ZFPM2: variants seen among roughly 807,000 people sequenced by gnomAD.
ZFPM2 encodes the protein zinc finger protein ZFPM2.
In ZFPM2, 20 loss-of-function variants were observed where a neutral mutation model predicts 98.6. That is an observed-to-expected ratio of 0.20 (90% CI 0.14 to 0.29). The LOEUF (loss-of-function observed/expected upper bound fraction) is 0.29. Among genes scored for constraint, ZFPM2 ranks in the 10% least tolerant of loss-of-function variants. The probability of loss-of-function intolerance (pLI) is 1.00; values close to 1 mark genes in which losing one functional copy is unlikely to be tolerated. For missense variants in ZFPM2, 1,310 were observed against 1,388.6 expected, an observed-to-expected ratio of 0.94 and a Z score of 0.90; for synonymous variants, 518 against 502.7, an observed-to-expected ratio of 1.03 and a Z score of -0.41.
intron 5 of ZFPM2, among the ~76,000 whole-genome samples, chr8:105,694,879 C>T (rs1226608728): frequency 2.0e-5 from 3 of 152,110 alleles, no homozygotes; most frequent in Admixed American, 1.3e-4. Context: ...ACATCTTTAT[C>T]AGTGGTATTC....
chr8:105,394,145 G>A (rs190030613), intron 1 of ZFPM2, among the ~76,000 whole-genome samples: 1 of 151,860 alleles, frequency 6.6e-6, no homozygotes, highest in African/African-American at 2.4e-5. Flanking sequence ...CGCCCGCCTC[G>A]GCCTCCCAAA....
chr8:105,541,260 G>C (rs921333), intron 3 of ZFPM2, among the ~76,000 whole-genome samples: 17,766 of 152,100 alleles, frequency 0.12, 1,147 homozygotes, highest in South Asian at 0.17. Context: ...CAAGAATCCT[G>C]TGTGAGAGGT....
intron 2 of ZFPM2, among the ~76,000 whole-genome samples, chr8:105,428,031 A>G (rs1038474782): frequency 2.6e-5 from 4 of 152,232 alleles, no homozygotes; most frequent in Non-Finnish European, 5.9e-5. Flanking sequence ...GGCCAAAGTC[A>G]ACAAAACTAC....
Position 105,802,763 on chromosome 8 carries a change from T to G in ZFPM2, c.2681T>G (p.Val894Gly), listed in dbSNP as rs1814074691. ...GACCTGGGTCAACTGGACGGCAAAGTGTTTCCGAATCCAGAAAGCGAACGA... is the reference window on the plus strand; with the variant it reads ...GACCTGGGTCAACTGGACGGCAAAGGGTTTCCGAATCCAGAAAGCGAACGA... ...RNDLGQLDGK[V>G]FPNPESERNS... Residue 894 changes from valine to glycine, a missense_variant, in exon 8 of 8, where the codon GTG becomes GGG. Val to Gly is a moderately radical substitution (Grantham distance 109). Coordinates refer to ENST00000407775, the MANE Select transcript of ZFPM2 (RefSeq NM_012082.4). 3.1e-6 allele frequency: 5 copies of G among 1,613,490 alleles called. No individual in the cohort carries two copies. The highest frequency in any genetic ancestry group is 3.3e-5 in the Admixed American group (2 of 59,930).
chr8:105,553,485 G>C (rs1379041677), intron 3 of ZFPM2, among the ~76,000 whole-genome samples: 1 of 152,114 alleles, frequency 6.6e-6, no homozygotes, highest in Non-Finnish European at 1.5e-5. Flanking sequence ...CCAGTGTGTT[G>C]TGTTAGAGTT....
At chr8:105,340,787 G>A (rs1812414628) in intron 1 of ZFPM2, among the ~76,000 whole-genome samples, 2 of 151,884 alleles carry the variant, frequency 1.3e-5, no homozygotes, top group Non-Finnish European at 2.9e-5. Flanking sequence ...CTAGAGGTTG[G>A]CAACAGGCAA....
At chr8:105,535,945 T>C (rs1397819048) in intron 3 of ZFPM2, among the ~76,000 whole-genome samples, 2 of 152,196 alleles carry the variant, frequency 1.3e-5, no homozygotes, top group African/African-American at 4.8e-5. Flanking sequence ...GTGTACACAG[T>C]TTTATGAATA....
chr8:105,546,972 C>CT (rs1302419285), intron 3 of ZFPM2, among the ~76,000 whole-genome samples: 1 of 152,038 alleles, frequency 6.6e-6, no homozygotes, highest in African/African-American at 2.4e-5. Context: ...CACAGTTTCC[C>CT]TTTTTTTGGG....
intron 3 of ZFPM2, among the ~76,000 whole-genome samples, chr8:105,483,141 A>G (rs2130393357): frequency 6.6e-6 from 1 of 151,962 alleles, no homozygotes; most frequent in East Asian, 1.9e-4. Flanking sequence ...GATTATAGGC[A>G]TGAGCCACGG....
rs147247558 is a variant in ZFPM2 at position 105,539,753 on chromosome 8, A to G, written c.302-21610A>G. Among the ~76,000 whole-genome samples, 14 of 152,318 alleles carry G rather than the reference A, an allele frequency of 9.2e-5. No homozygotes were observed. In the East Asian group the frequency reaches 2.5e-3, roughly 27 times the overall value. ...TGGGCCCTAAACAGAAAGTTGTTCA[A>G]TATCAGTACAGTCAGATCATGGAAG... On this transcript the variant is annotated intron_variant, in intron 3 of 7. Coordinates refer to ENST00000407775, the MANE Select transcript of ZFPM2 (RefSeq NM_012082.4).
At chr8:105,725,336 G>A (rs1221831155) in intron 5 of ZFPM2, among the ~76,000 whole-genome samples, 1 of 151,618 alleles carries the variant, frequency 6.6e-6, no homozygotes, top group Non-Finnish European at 1.5e-5. Flanking sequence ...AAAATTCTCT[G>A]ATACATATTG....
In ZFPM2 at chr8:105,519,616, G is replaced by A. The variant is rs16873318; in HGVS notation, c.302-41747G>A. On this transcript the variant is annotated intron_variant, in intron 3 of 7. Transcript: ENST00000407775. ...CAGACTGGAGATAATGCAGTTAATC[G>A]TTTGGGGAACACATTGATATTATGC... is the stretch of plus-strand genomic sequence containing the variant. Among the ~76,000 whole-genome samples the A allele has an allele frequency of 4.0e-3, 610 of 152,118 alleles. 2 individuals carry two copies. Among genetic ancestry groups the A allele is most frequent in the South Asian group, 9.3e-3 (45 of 4,824 alleles).
intron 3 of ZFPM2, among the ~76,000 whole-genome samples, chr8:105,533,691 TTCCC>T (rs1223907803): frequency 2.2e-4 from 25 of 115,216 alleles, no homozygotes; most frequent in Non-Finnish European, 3.3e-4. Flanking sequence ...CCCTCCGTCC[TTCCC>T]TCCCTCCCTC....
intron 5 of ZFPM2, among the ~76,000 whole-genome samples, chr8:105,720,935 C>A (rs1811647991): frequency 6.6e-6 from 1 of 151,716 alleles, no homozygotes; most frequent in South Asian, 2.1e-4. Context: ...GGTCTTGGGC[C>A]TTTCGTTGTG....
chr8:105,799,809 T>G (rs1813948090), intron 7 of ZFPM2, among the ~76,000 whole-genome samples: 1 of 152,206 alleles, frequency 6.6e-6, no homozygotes, highest in Admixed American at 6.5e-5. Flanking sequence ...CTGGGTGACT[T>G]TCTTAGTGGT....
intron 3 of ZFPM2, among the ~76,000 whole-genome samples, chr8:105,549,905 C>T (rs1438775540): frequency 6.6e-6 from 1 of 151,706 alleles, no homozygotes; most frequent in Non-Finnish European, 1.5e-5. Flanking sequence ...TGAGCCATTG[C>T]ACCCAGCCTA....
intron 5 of ZFPM2, among the ~76,000 whole-genome samples, chr8:105,660,026 A>T (rs1311933511): frequency 1.3e-5 from 2 of 152,232 alleles, no homozygotes; most frequent in African/African-American, 4.8e-5. Flanking sequence ...AAAAAGAAAG[A>T]TAAACACTTT....
intron 5 of ZFPM2, among the ~76,000 whole-genome samples, chr8:105,678,018 G>A (rs1417376503): frequency 6.6e-6 from 1 of 152,110 alleles, no homozygotes; most frequent in Non-Finnish European, 1.5e-5. Flanking sequence ...TTACTGTGCA[G>A]TTTATGTGTT....
Position 105,798,584 on chromosome 8 carries a change from A to G in ZFPM2, c.740-140A>G, listed in dbSNP as rs947848202. 18 of 674,128 alleles carry G rather than the reference A, an allele frequency of 2.7e-5. No homozygotes were observed. In the African/African-American group the frequency reaches 3.2e-4, roughly 12 times the overall value. 41.8% of individuals were successfully genotyped at this position (674,128 alleles called of 1,614,324 possible). ...GTCGAGTCCTATGCTGTAGAACAACACCAAAGACTGTTACTCATCTGATTG... is the reference window on the plus strand; with the variant it reads ...GTCGAGTCCTATGCTGTAGAACAACGCCAAAGACTGTTACTCATCTGATTG... On this transcript the variant is annotated intron_variant, in intron 6 of 7. Coordinates refer to ENST00000407775, the MANE Select transcript of ZFPM2 (RefSeq NM_012082.4).
Sources: gnomAD v4.1 joint callset for allele counts (sites outside exome capture counted in the v4.1 genomes callset) on GRCh38, gnomAD v4.1.1 for gene constraint, MANE v1.5 for transcripts, NCBI Gene and HGNC (gene_info 2026-07-23, HGNC 2026-07-21) for gene names.